DENND1A: variants seen among roughly 807,000 people sequenced by gnomAD.
The protein encoded by DENND1A is DENN domain-containing protein 1A.
In DENND1A, 51 loss-of-function variants were observed where a neutral mutation model predicts 113.7. The observed-to-expected ratio is 0.45, with a 90% CI of 0.36 to 0.57. DENND1A has a LOEUF of 0.57. DENND1A is among the 20% of genes least tolerant of loss of function. The pLI is 0.00. For missense variants in DENND1A, 1,258 were observed against 1,395.9 expected (o/e 0.90, Z 1.57); for synonymous variants, 565 against 570.8 (o/e 0.99, Z 0.14).
chr9:123,576,443 A>C (rs1252827721), intron 12 of DENND1A, among the ~76,000 whole-genome samples: 1 of 152,198 alleles, frequency 6.6e-6, no homozygotes, highest in African/African-American at 2.4e-5. Context: ...CTTCTTTTGT[A>C]GTGCAGGTCT....
chr9:123,497,543 G>C (rs1382182556), intron 13 of DENND1A, among the ~76,000 whole-genome samples: 1 of 151,962 alleles, frequency 6.6e-6, no homozygotes, highest in African/African-American at 2.4e-5. Flanking sequence ...CGCTGGTATC[G>C]AACTCCTGGT....
intron 9 of DENND1A, among the ~76,000 whole-genome samples, chr9:123,651,795 T>C (rs57980749): frequency 0.41 from 62,232 of 151,710 alleles, 14,956 homozygotes; most frequent in African/African-American, 0.67. Context: ...CACAATCAAA[T>C]GGAAAGCTAT....
chr9:123,552,130 T>G (rs2057123764), intron 13 of DENND1A, among the ~76,000 whole-genome samples: 2 of 151,440 alleles, frequency 1.3e-5, no homozygotes, highest in Non-Finnish European at 2.9e-5. Context: ...CAGACGTGAC[T>G]GCAGAGGAGG....
intron 3 of DENND1A, among the ~76,000 whole-genome samples, chr9:123,776,146 T>C (rs772618592): frequency 2.0e-5 from 3 of 152,216 alleles, no homozygotes; most frequent in Admixed American, 6.5e-5. Flanking sequence ...CACCCGTCGG[T>C]GGCATAAGTG....
chr9:123,541,463 C>A (rs2056284438), intron 13 of DENND1A, among the ~76,000 whole-genome samples: 1 of 152,164 alleles, frequency 6.6e-6, no homozygotes, highest in Non-Finnish European at 1.5e-5. Flanking sequence ...CTCAAGACAA[C>A]CTCAAAACCT....
At chr9:123,649,836 C>T (rs529618080) in intron 9 of DENND1A, among the ~76,000 whole-genome samples, 2 of 152,126 alleles carry the variant, frequency 1.3e-5, no homozygotes, top group Non-Finnish European at 2.9e-5. Context: ...TAATCCACCA[C>T]ATTTATGAGA....
At position 123,381,223 on chromosome 9, in the gene DENND1A, G is replaced by C; in HGVS notation, c.*209C>G. 3.3e-6 allele frequency: 2 copies of C among 609,410 alleles called. No individual in the cohort carries two copies. The highest frequency in any genetic ancestry group is 3.7e-5 in the African/African-American group (2 of 54,100). 37.8% of individuals were successfully genotyped at this position (609,410 alleles called of 1,614,324 possible). On this transcript the variant is annotated 3_prime_UTR_variant, in exon 24 of 24. Coordinates refer to ENST00000394215, the MANE Select transcript of DENND1A (RefSeq NM_001352964.2). The surrounding 1 kb of genome is among the most constrained non-coding windows in gnomAD (Gnocchi z 4.7). The stretch of plus-strand genomic sequence containing the variant: ...GGGTGGGATGGGCACTCAGGAACTG[G>C]GTTGATTCCCAGGCTGGAACTGGTG...
At chr9:123,437,015 C>A (rs1237978517) in intron 19 of DENND1A, among the ~76,000 whole-genome samples, 1 of 152,184 alleles carries the variant, frequency 6.6e-6, no homozygotes. Flanking sequence ...ATGAGGTGGA[C>A]TATGACTGAC....
intron 16 of DENND1A, among the ~76,000 whole-genome samples, chr9:123,453,819 C>T (rs555222666): frequency 1.3e-5 from 2 of 152,250 alleles, no homozygotes; most frequent in African/African-American, 4.8e-5. Context: ...AATTTTCACC[C>T]ACTCATTTAT....
intron 1 of DENND1A, among the ~76,000 whole-genome samples, chr9:123,909,475 T>C (rs780606217): frequency 1.1e-4 from 16 of 151,796 alleles, no homozygotes; most frequent in Non-Finnish European, 1.9e-4. Context: ...AAAAGGCATT[T>C]GGTAAAATTC....
At chr9:123,837,726 G>GA (rs1245821648) in intron 2 of DENND1A, among the ~76,000 whole-genome samples, 3 of 151,964 alleles carry the variant, frequency 2.0e-5, no homozygotes, top group East Asian at 1.9e-4. Context: ...TAAAGAAAAG[G>GA]AAAAAAACTG....
At chr9:123,574,957 C>T (rs1292597284) in intron 12 of DENND1A, among the ~76,000 whole-genome samples, 1 of 152,224 alleles carries the variant, frequency 6.6e-6, no homozygotes, top group Non-Finnish European at 1.5e-5. Flanking sequence ...AAGATCCAAT[C>T]CAGGATCCTA....
At chr9:123,524,043 T>A (rs2054607901) in intron 13 of DENND1A, among the ~76,000 whole-genome samples, 3 of 151,754 alleles carry the variant, frequency 2.0e-5, no homozygotes, top group Admixed American at 2.0e-4. Flanking sequence ...AGAAAAAGAG[T>A]GAAGAATCTG....
Position 123,609,437 on chromosome 9 carries a change from T to G in DENND1A, c.764A>C (p.Glu255Ala). ...TGGGGAGGAAAGAAGCCAACTTACC[T>G]CCATTAAACTTAAATGGATTCCTAT... ...YLIGIHLSLM[E>A]KVRNMALDDV... The change falls in exon 11 of 24, where the codon GAG becomes GCG. Residue 255 changes from glutamate (E) to alanine (A), a missense_variant and splice_region_variant. This residue lies in a region of DENND1A where 1,159 missense variants were observed against 1,231.7 expected (regional missense o/e 0.94). Coordinates refer to ENST00000394215, the MANE Select transcript of DENND1A (RefSeq NM_001352964.2). 1 of 1,613,550 alleles carries G rather than the reference T, an allele frequency of 6.2e-7. No homozygotes were observed.
rs763793806 is a variant in DENND1A, at chr9:123,823,586, T to C, written c.89-30956A>G. On this transcript the variant is annotated intron_variant, in intron 2 of 23. Transcript: ENST00000394215. ...CTGAGAAGCTTTAAGCAAAAAGGAG[T>C]AAAAGGTAGCGAAAAGATCCCATGT... 6.5e-4 allele frequency among the ~76,000 whole-genome samples: 99 copies of C among 151,390 alleles called. 1 individual carries two copies. Among genetic ancestry groups the C allele is most frequent in the Non-Finnish European group, 2.5e-4 (17 of 67,814 alleles).
In DENND1A at chr9:123,592,094, C is replaced by G. The variant is rs139179920; in HGVS notation, c.766-8824G>C. Among the ~76,000 whole-genome samples, 587 of 152,212 alleles carry G rather than the reference C, an allele frequency of 3.9e-3. 2 individuals carry two copies. Among genetic ancestry groups the G allele is most frequent in the Non-Finnish European group, 5.5e-3 (377 of 68,018 alleles). ...TGTGTTGCGAGGATTTAGTGAGATA[C>G]TAGGTATGAAGATTTTAACACAATG... On this transcript the variant is annotated intron_variant, in intron 11 of 23. Coordinates refer to ENST00000394215, the MANE Select transcript of DENND1A (RefSeq NM_001352964.2).
intron 3 of DENND1A, among the ~76,000 whole-genome samples, chr9:123,786,359 T>A (rs1168899576): frequency 6.6e-6 from 1 of 152,182 alleles, no homozygotes; most frequent in Non-Finnish European, 1.5e-5. Context: ...AACAAGAAAT[T>A]GCAGGAATGT....
intron 2 of DENND1A, among the ~76,000 whole-genome samples, chr9:123,813,791 T>C (rs1837026693): frequency 1.3e-5 from 2 of 151,504 alleles, no homozygotes; most frequent in South Asian, 4.1e-4. Context: ...TTTAAGAGAG[T>C]TTCGTGCAGA....
intron 11 of DENND1A, among the ~76,000 whole-genome samples, chr9:123,588,347 G>T (rs1232033502): frequency 6.6e-6 from 1 of 150,394 alleles, no homozygotes; most frequent in Non-Finnish European, 1.5e-5. Flanking sequence ...GGCTGGGCAC[G>T]ATGGCTCACG....
Sources: allele counts gnomAD v4.1 joint callset (sites outside exome capture counted in the v4.1 genomes callset), GRCh38; gene constraint gnomAD v4.1.1; regional missense constraint gnomAD v4.1.1; non-coding constraint Gnocchi (gnomAD v3.1); transcripts MANE v1.5; gene names NCBI Gene and HGNC (gene_info 2026-07-23, HGNC 2026-07-21).